Variants in RBFOX1 observed in about 807,000 individuals in gnomAD.
RBFOX1 encodes RNA binding fox-1 homolog 1.
A neutral mutation model predicts 57.7 loss-of-function variants in RBFOX1; 8 were observed. That is an observed-to-expected ratio of 0.14 (90% CI 0.08 to 0.25). The LOEUF is 0.25. RBFOX1 is among the 10% of genes least tolerant of loss of function. RBFOX1 has a pLI of 1.00. For missense variants in RBFOX1, 611 were observed against 548.5 expected, an observed-to-expected ratio of 1.11 and a Z score of -1.14; for synonymous variants, 326 against 222.4, an observed-to-expected ratio of 1.47 and a Z score of -4.15.
chr16:7,454,500 G>T (rs1567249526), intron 4 of RBFOX1, among the ~76,000 whole-genome samples: 1 of 152,162 alleles, frequency 6.6e-6, no homozygotes, highest in Non-Finnish European at 1.5e-5. Flanking sequence ...ATATGATCAA[G>T]TTGAGTTTAT....
At chr16:5,652,949 G>A (rs1259285287) in intron 3 of RBFOX1, among the ~76,000 whole-genome samples, 3 of 152,186 alleles carry the variant, frequency 2.0e-5, no homozygotes, top group Admixed American at 6.5e-5. Flanking sequence ...GGGTGACTGG[G>A]TCTCTGCTGC....
At chr16:7,467,070 A>G (rs1199668412) in intron 4 of RBFOX1, among the ~76,000 whole-genome samples, 1 of 152,238 alleles carries the variant, frequency 6.6e-6, no homozygotes, top group African/African-American at 2.4e-5. Flanking sequence ...AACACTGCAT[A>G]TAAATATGTA....
chr16:6,872,120 AAT>A, intron 3 of RBFOX1, among the ~76,000 whole-genome samples: 1 of 152,276 alleles, frequency 6.6e-6, no homozygotes, highest in South Asian at 2.1e-4. Context: ...GTTATGTTTT[AAT>A]ATGATACGCT....
chr16:7,219,050 C>T (rs117114574), intron 4 of RBFOX1, among the ~76,000 whole-genome samples: 4,357 of 152,212 alleles, frequency 0.029, 107 homozygotes, highest in Admixed American at 0.058. Flanking sequence ...ACAAAGCACG[C>T]CTTTGTAAAT....
chr16:5,803,001 T>G (rs1244277085), intron 3 of RBFOX1, among the ~76,000 whole-genome samples: 1 of 152,178 alleles, frequency 6.6e-6, no homozygotes, highest in Non-Finnish European at 1.5e-5. Context: ...ATTCATAGTT[T>G]AGAGAAGGAG....
intron 4 of RBFOX1, among the ~76,000 whole-genome samples, chr16:7,311,051 G>A (rs1355768514): frequency 6.6e-6 from 1 of 152,214 alleles, no homozygotes; most frequent in South Asian, 2.1e-4. Context: ...CAAGGGGCAA[G>A]GCTAGAGTTA....
chr16:6,444,608 A>G (rs569129690), intron 2 of RBFOX1, among the ~76,000 whole-genome samples: 4 of 152,158 alleles, frequency 2.6e-5, no homozygotes, highest in Admixed American at 6.5e-5. Flanking sequence ...CTCCCCAGCC[A>G]TGTGGAACTG....
chr16:5,750,686 C>G (rs2053165148), intron 3 of RBFOX1, among the ~76,000 whole-genome samples: 1 of 152,366 alleles, frequency 6.6e-6, no homozygotes, highest in African/African-American at 2.4e-5. Context: ...ATGTAACCTC[C>G]TGGTGTGCCG....
intron 4 of RBFOX1, among the ~76,000 whole-genome samples, chr16:5,961,633 C>T (rs958636251): frequency 2.6e-5 from 4 of 152,158 alleles, no homozygotes; most frequent in Admixed American, 1.3e-4. Flanking sequence ...AATCCTCCCA[C>T]CTCAGCCTCC....
chr16:6,099,327 C>A (rs1352030075), intron 1 of RBFOX1, among the ~76,000 whole-genome samples: 1 of 152,158 alleles, frequency 6.6e-6, no homozygotes, highest in Admixed American at 6.5e-5. Context: ...AGTAAAGGGT[C>A]TATGAGAACA....
intron 4 of RBFOX1, among the ~76,000 whole-genome samples, chr16:7,142,400 G>T (rs966923530): frequency 1.3e-5 from 2 of 152,084 alleles, no homozygotes; most frequent in African/African-American, 4.8e-5. Context: ...TGAGCTTCTT[G>T]TTGATGTCAT....
At chr16:6,670,559 C>A (rs549470195) in intron 3 of RBFOX1, among the ~76,000 whole-genome samples, 6 of 152,256 alleles carry the variant, frequency 3.9e-5, no homozygotes, top group African/African-American at 9.6e-5. Flanking sequence ...TAGACTTAAA[C>A]ACCCGGTAAT....
rs1320631474 is a variant in RBFOX1, at chr16:5,946,714, T to A, written c.351+79379T>A. On this transcript the variant is annotated intron_variant, in intron 4 of 19. Coordinates refer to the RBFOX1 transcript ENST00000641259. This position sits in a 1 kb window ranked among gnomAD's most constrained non-coding sequence, Gnocchi z 4.6. ...AGATGGTGAGAAGGGAAGTACAGGC[T>A]TGCTCTGAAGTGGGGCCAGTCTTGT... Among the ~76,000 whole-genome samples, 1 of 152,190 alleles carries A rather than the reference T, an allele frequency of 6.6e-6. No individual in the cohort carries two copies. Among genetic ancestry groups the A allele is most frequent in the Non-Finnish European group, 1.5e-5 (1 of 68,028 alleles).
At chr16:6,949,393 G>A (rs188060138) in intron 3 of RBFOX1, among the ~76,000 whole-genome samples, 1 of 152,304 alleles carries the variant, frequency 6.6e-6, no homozygotes, top group East Asian at 1.9e-4. Context: ...ATTCCATGGT[G>A]TATTAGCTGG....
intron 3 of RBFOX1, among the ~76,000 whole-genome samples, chr16:6,715,414 A>G (rs2064595548): frequency 6.6e-6 from 1 of 152,144 alleles, no homozygotes; most frequent in Non-Finnish European, 1.5e-5. Context: ...ATGTGATGCC[A>G]TTTAACATAG....
chr16:6,527,889 C>G (rs2096603242), intron 2 of RBFOX1, among the ~76,000 whole-genome samples: 1 of 152,080 alleles, frequency 6.6e-6, no homozygotes, highest in Non-Finnish European at 1.5e-5. Flanking sequence ...GTGACCACAC[C>G]CCTCAGTCAC....
intron 3 of RBFOX1, among the ~76,000 whole-genome samples, chr16:6,665,824 C>T (rs367688322): frequency 6.6e-6 from 1 of 151,920 alleles, no homozygotes; most frequent in African/African-American, 2.4e-5. Flanking sequence ...AAGACAGATA[C>T]AATATTTATC....
At chr16:6,481,097 G>T (rs771805039) in intron 2 of RBFOX1, among the ~76,000 whole-genome samples, 22 of 152,244 alleles carry the variant, frequency 1.4e-4, no homozygotes, top group Admixed American at 2.6e-4. Context: ...ATTTTAATAG[G>T]TACTAGTAAA....
chr16:5,637,455 G>C lies in RBFOX1; in HGVS notation c.318+38494G>C, dbSNP rs567241697. Among the ~76,000 whole-genome samples the C allele has an allele frequency of 3.9e-5, 6 of 152,278 alleles. No homozygotes were observed. In the East Asian group the frequency reaches 1.2e-3, roughly 29 times the overall value. Reference sequence around the variant, plus strand: ...TGTCTCTGAACTTCAGACAGTAAAGGAATAAAACCTCCTCATAGGGTTGTT... The same window carrying C: ...TGTCTCTGAACTTCAGACAGTAAAGCAATAAAACCTCCTCATAGGGTTGTT... On this transcript the variant is annotated intron_variant, in intron 3 of 19. Coordinates refer to the RBFOX1 transcript ENST00000641259.
Sources: gnomAD v4.1 joint callset for allele counts (sites outside exome capture counted in the v4.1 genomes callset) on GRCh38, gnomAD v4.1.1 for gene constraint, Gnocchi (gnomAD v3.1) non-coding constraint, MANE v1.5 for transcripts, NCBI Gene and HGNC (gene_info 2026-07-23, HGNC 2026-07-21) for gene names.